Variants in PDE5A observed in about 807,000 individuals in gnomAD.
The protein encoded by PDE5A is phosphodiesterase 5A.
In PDE5A, 67 loss-of-function variants were observed where a neutral mutation model predicts 110.2. That is an observed-to-expected ratio of 0.61 (90% CI 0.50 to 0.75). PDE5A has a LOEUF of 0.75. PDE5A is among the 30% of genes least tolerant of loss of function. PDE5A has a pLI of 0.00. For missense variants in PDE5A, 862 were observed against 1,045.1 expected (o/e 0.82, Z 2.42); for synonymous variants, 328 against 351.2 (o/e 0.93, Z 0.74).
At position 119,628,594 on chromosome 4, in the gene PDE5A, A is replaced by G; in HGVS notation, c.78T>C (p.Asp26=). ...CCAGCCATGCTTCGACCGAGTCCTG[A>G]TCCCTCTGCTGCTGCTTCTGCTGCT... ...QPQQQKQQQR[D]QDSVEAWLDD... is the part of the protein sequence containing the mutation. Residue 26 remains aspartate (D), a synonymous_variant, in exon 1 of 21, where the codon GAT becomes GAC. Transcript: ENST00000354960. 1 of 1,613,762 alleles carries G rather than the reference A, an allele frequency of 6.2e-7. No homozygotes were observed. The highest frequency in any genetic ancestry group is 1.1e-5 in the South Asian group (1 of 91,006).
Position 119,497,715 on chromosome 4 carries a change from A to G in PDE5A, c.*886T>C, listed in dbSNP as rs1725126969. 1 of 152,200 alleles carries G rather than the reference A, an allele frequency of 6.6e-6. No individual in the cohort carries two copies. The highest frequency in any genetic ancestry group is 1.5e-5 in the Non-Finnish European group (1 of 68,038). 9.4% of individuals were successfully genotyped at this position (152,200 alleles called of 1,614,324 possible). A position where few individuals can be genotyped will look rare whatever the true frequency, so the allele number is the denominator to read the frequency against. On this transcript the variant is annotated 3_prime_UTR_variant, in exon 21 of 21. Coordinates refer to ENST00000354960, the MANE Select transcript of PDE5A (RefSeq NM_001083.4). ...CTATAACCATGTCTCACTTCAAGTC[A>G]ATGCTACAATTGTCACTTTTATTTT... is the stretch of plus-strand genomic sequence containing the variant.
At chr4:119,609,554 T>C (rs1212162344) in intron 1 of PDE5A, among the ~76,000 whole-genome samples, 2 of 152,220 alleles carry the variant, frequency 1.3e-5, no homozygotes, top group African/African-American at 4.8e-5. Flanking sequence ...GTATTATTTG[T>C]TAAATATACA....
intron 9 of PDE5A, chr4:119,552,138 C>T (rs1465060630): frequency 6.6e-6 from 1 of 152,044 alleles, no homozygotes; most frequent in Non-Finnish European, 1.5e-5. Context: ...TTGATTTATC[C>T]CAACTGCCAA....
At chr4:119,574,345 G>A (rs140643828) in intron 3 of PDE5A, among the ~76,000 whole-genome samples, 1,431 of 131,388 alleles carry the variant, frequency 0.011, 23 homozygotes, top group African/African-American at 0.033. Context: ...ACCACGCCCC[G>A]GCTAATTTTT....
In PDE5A at chr4:119,511,104, G is replaced by C; in HGVS notation, c.2031C>G (p.Cys677Trp). Residue 677 changes from cysteine (C) to tryptophan (W), a missense_variant, in exon 15 of 21, where the codon TGC (cysteine) becomes TGG (tryptophan). By Grantham distance (215) the Cys-to-Trp change is radical (BLOSUM62 -2). Coordinates refer to ENST00000354960, the MANE Select transcript of PDE5A (RefSeq NM_001083.4). ...AATGATGGTGTTCCATGATTGAATG[G>C]CAGTAAAGCTGGGCAAGTGGATGTT... The part of the protein sequence containing the change: ...RSEHPLAQLY[C>W]HSIMEHHHFD... The C allele has an allele frequency of 6.2e-7, 1 of 1,610,012 alleles. No homozygotes were observed. The highest frequency in any genetic ancestry group is 8.5e-7 in the Non-Finnish European group (1 of 1,176,906).
chr4:119,535,272 A>G (rs1726689506), intron 11 of PDE5A, among the ~76,000 whole-genome samples: 1 of 152,068 alleles, frequency 6.6e-6, no homozygotes, highest in African/African-American at 2.4e-5. Flanking sequence ...TGGGTAATTA[A>G]CATGGTCACC....
intron 15 of PDE5A, among the ~76,000 whole-genome samples, chr4:119,510,746 CAAAA>C (rs1725709979): frequency 6.6e-6 from 1 of 151,760 alleles, no homozygotes; most frequent in South Asian, 2.1e-4. Flanking sequence ...TTCGATTAAA[CAAAA>C]AAAGCAGAAT....
chr4:119,519,498 ACTCT>A (rs1726042514), intron 13 of PDE5A: 1 of 175,064 alleles, frequency 5.7e-6, no homozygotes, highest in South Asian at 1.8e-4. Context: ...GATTCTGTTC[ACTCT>A]CTGCTATCAG....
chr4:119,513,878 T>G (rs1393622380), intron 14 of PDE5A, among the ~76,000 whole-genome samples: 1 of 152,214 alleles, frequency 6.6e-6, no homozygotes, highest in Non-Finnish European at 1.5e-5. Context: ...TTGAGATAGA[T>G]GAATGCAAAC....
intron 3 of PDE5A, among the ~76,000 whole-genome samples, chr4:119,582,425 A>G (rs868491137): frequency 5.9e-5 from 9 of 152,344 alleles, no homozygotes; most frequent in Middle Eastern, 6.8e-3. Context: ...TACTTCCAAC[A>G]GTGATGTCTC....
intron 3 of PDE5A, among the ~76,000 whole-genome samples, chr4:119,579,598 C>A (rs964435505): frequency 1.3e-5 from 2 of 151,710 alleles, no homozygotes; most frequent in Non-Finnish European, 1.5e-5. Flanking sequence ...GACAAAAAAA[C>A]CAAACACTGC....
intron 1 of PDE5A, among the ~76,000 whole-genome samples, chr4:119,625,902 A>G (rs1221288564): frequency 6.6e-6 from 1 of 152,218 alleles, no homozygotes; most frequent in African/African-American, 2.4e-5. Context: ...CCAAATTGGA[A>G]TATTGTTTCA....
intron 3 of PDE5A, among the ~76,000 whole-genome samples, chr4:119,575,040 C>A (rs1053674785): frequency 6.6e-6 from 1 of 152,234 alleles, no homozygotes; most frequent in East Asian, 1.9e-4. Flanking sequence ...GTGATGAATG[C>A]ACAAGCCTCA....
At chr4:119,612,202 G>A (rs1033074764) in intron 1 of PDE5A, among the ~76,000 whole-genome samples, 2 of 152,162 alleles carry the variant, frequency 1.3e-5, no homozygotes, top group Non-Finnish European at 2.9e-5. Flanking sequence ...GCCTGATGTA[G>A]TTTGGATGTC....
At chr4:119,614,373 G>A (rs780526951) in intron 1 of PDE5A, among the ~76,000 whole-genome samples, 7 of 152,212 alleles carry the variant, frequency 4.6e-5, no homozygotes, top group Non-Finnish European at 8.8e-5. Flanking sequence ...TTCAGTATAA[G>A]TAGTATCTGA....
In PDE5A at chr4:119,501,405, A is replaced by C. The variant is rs1725327986; in HGVS notation, c.2407-152T>G. The C allele has an allele frequency of 6.8e-6, 4 of 589,468 alleles. No individual in the cohort carries two copies. The South Asian group carries it at 8.1e-5, about 12-fold the overall frequency. The allele number at this position is 589,468 out of a possible 1,614,324, so 36.5% of individuals were successfully genotyped here. ...AGCTCACTGCAACCTCCACCTCCCAAGTTTAAGCTATTCTCCTGCCTCAGC... is the reference window on the plus strand; with the variant it reads ...AGCTCACTGCAACCTCCACCTCCCACGTTTAAGCTATTCTCCTGCCTCAGC... On this transcript the variant is annotated intron_variant, in intron 19 of 20. Transcript: ENST00000354960.
intron 2 of PDE5A, among the ~76,000 whole-genome samples, chr4:119,601,006 G>C (rs190786004): frequency 9.9e-5 from 15 of 152,246 alleles, no homozygotes; most frequent in African/African-American, 3.6e-4. Flanking sequence ...ACACTACGAA[G>C]GTGTGTGGTA....
chr4:119,574,073 A>G (rs1049923495), intron 3 of PDE5A, among the ~76,000 whole-genome samples: 1 of 152,108 alleles, frequency 6.6e-6, no homozygotes, highest in Non-Finnish European at 1.5e-5. Context: ...AACTAGTTCA[A>G]GAATATGCAG....
At chr4:119,617,378 A>ACACACG (rs1204169731) in intron 1 of PDE5A, among the ~76,000 whole-genome samples, 1 of 152,136 alleles carries the variant, frequency 6.6e-6, no homozygotes, top group Admixed American at 6.5e-5. Flanking sequence ...ACACACACAC[A>ACACACG]CACACGCACA....
Sources: allele counts gnomAD v4.1 joint callset (sites outside exome capture counted in the v4.1 genomes callset), GRCh38; gene constraint gnomAD v4.1.1; transcripts MANE v1.5; gene names NCBI Gene and HGNC (gene_info 2026-07-23, HGNC 2026-07-21).